The following NSD2 variants were observed in gnomAD, a reference collection of about 807,000 sequenced individuals.
NSD2 encodes histone-lysine N-methyltransferase NSD2.
Under a neutral mutation model 139.0 loss-of-function variants are expected in NSD2, and 12 were observed. The ratio of observed to expected loss-of-function variants is 0.09; its 90% CI spans 0.06 to 0.14. NSD2 has a LOEUF of 0.14. NSD2 is among the 10% of genes least tolerant of loss of function. The pLI, the probability that NSD2 is intolerant of heterozygous loss-of-function variation, is 1.00. For synonymous variants in NSD2, 669 were observed against 648.7 expected (o/e 1.03, Z -0.48); for missense variants, 1,155 against 1,745.0 (o/e 0.66, Z 6.02).
At chr4:1,920,542 C>CT (rs1012731806) in intron 5 of NSD2, among the ~76,000 whole-genome samples, 20 of 152,088 alleles carry the variant, frequency 1.3e-4, no homozygotes, top group South Asian at 1.2e-3. Flanking sequence ...AAATTCATTG[C>CT]TTTTTTTAAT....
At chr4:1,938,819 T>G (rs1225709512) in intron 8 of NSD2, among the ~76,000 whole-genome samples, 1 of 152,222 alleles carries the variant, frequency 6.6e-6, no homozygotes, top group Non-Finnish European at 1.5e-5. Context: ...ACTAGAAAAG[T>G]GATTTCAACC....
chr4:1,978,832 C>A lies in NSD2; in HGVS notation c.4021C>A (p.Pro1341Thr), dbSNP rs914518920. 3.1e-6 allele frequency: 5 copies of A among 1,598,268 alleles called. No individual in the cohort carries two copies. The African/African-American group carries it at 4.0e-5, about 13-fold the overall frequency. ...ASVRSTKTEK[P>T]PPEPGKPKGK... Reference sequence around the variant, plus strand: ...GGTCAGAAGCACCAAGACTGAGAAGCCCCCCCCAGAGCCAGGGAAGCCGAA... The same window carrying A: ...GGTCAGAAGCACCAAGACTGAGAAGACCCCCCCAGAGCCAGGGAAGCCGAA... Residue 1341 changes from proline to threonine, a missense_variant, in exon 22 of 22, where the codon CCC (proline) becomes ACC (threonine). Physicochemically the swap from Pro to Thr is conservative, Grantham distance 38. This residue lies in a region of NSD2 where 132 missense variants were observed against 94.3 expected (regional missense o/e 1.40). Coordinates refer to ENST00000508803, the MANE Select transcript of NSD2 (RefSeq NM_001042424.3).
rs1291338897 is a variant in NSD2, at chr4:1,975,011, G to C, written c.3514+7G>C. 6.2e-7 allele frequency: 1 copy of C among 1,614,140 alleles called. No individual in the cohort carries two copies. The highest frequency in any genetic ancestry group is 1.1e-5 in the South Asian group (1 of 91,084). On this transcript the variant is annotated splice_region_variant and intron_variant, in intron 19 of 21. Coordinates refer to ENST00000508803, the MANE Select transcript of NSD2 (RefSeq NM_001042424.3). ...GTCTGTGACATTCCTGCAGGTACAAGCTCTGGGGACCCTGCATGGGGCTCC... is the reference window on the plus strand; with the variant it reads ...GTCTGTGACATTCCTGCAGGTACAACCTCTGGGGACCCTGCATGGGGCTCC...
chr4:1,936,131 C>T (rs559158432), intron 7 of NSD2, among the ~76,000 whole-genome samples: 5 of 152,316 alleles, frequency 3.3e-5, no homozygotes, highest in Non-Finnish European at 5.9e-5. Context: ...TTGTGCTCCT[C>T]GCTTACTGCC....
chr4:1,922,089 G>T (rs1269076853), intron 5 of NSD2, among the ~76,000 whole-genome samples: 1 of 152,194 alleles, frequency 6.6e-6, no homozygotes, highest in African/African-American at 2.4e-5. Context: ...AGAGGTTGCC[G>T]TGAGCTGAGA....
At chr4:1,927,281 C>T (rs1253832472) in intron 5 of NSD2, among the ~76,000 whole-genome samples, 2 of 152,102 alleles carry the variant, frequency 1.3e-5, no homozygotes, top group African/African-American at 4.8e-5. Context: ...CATTTCTGCA[C>T]TATGTTATTG....
chr4:1,926,573 C>T (rs62287051), intron 5 of NSD2, among the ~76,000 whole-genome samples: 5,262 of 152,120 alleles, frequency 0.035, 138 homozygotes, highest in Non-Finnish European at 0.052. Context: ...CGGGTTCAAG[C>T]GATCCTCCCC....
chr4:1,944,908 C>T (rs1332656307), intron 9 of NSD2: 3 of 1,063,114 alleles, frequency 2.8e-6, no homozygotes, highest in Admixed American at 1.1e-4. Context: ...CCTGTATCTC[C>T]CAACTAGAAA....
Position 1,958,192 on chromosome 4 carries a change from C to G in NSD2, c.2985+156C>G, listed in dbSNP as rs1725022050. ...GGATGGCCACACAAGAGACCATGAG[C>G]AAATGGCATGGGGGGATCTGCATGG... On this transcript the variant is annotated intron_variant, in intron 16 of 21. Coordinates refer to ENST00000508803, the MANE Select transcript of NSD2 (RefSeq NM_001042424.3). The surrounding 1 kb of genome is among the most constrained non-coding windows in gnomAD (Gnocchi z 4.6). Among the ~76,000 whole-genome samples the G allele has an allele frequency of 1.3e-5, 2 of 152,180 alleles. No homozygotes were observed. The highest frequency in any genetic ancestry group is 2.9e-5 in the Non-Finnish European group (2 of 68,026).
chr4:1,967,224 T>TG (rs891515261), intron 18 of NSD2, among the ~76,000 whole-genome samples: 2 of 151,948 alleles, frequency 1.3e-5, no homozygotes, highest in African/African-American at 4.8e-5. Flanking sequence ...GACTAAATCA[T>TG]GAAAAAAATG....
chr4:1,917,965 G>T (rs1466381962), intron 4 of NSD2, among the ~76,000 whole-genome samples, 176 bp from the exon 5 acceptor site: 3 of 151,488 alleles, frequency 2.0e-5, no homozygotes, highest in Non-Finnish European at 4.4e-5. Flanking sequence ...TATTTTAGTA[G>T]AGATGGGGTT....
intron 1 of NSD2, among the ~76,000 whole-genome samples, chr4:1,878,049 A>AGG (rs1463602559): frequency 3.3e-5 from 5 of 151,298 alleles, no homozygotes; most frequent in Non-Finnish European, 5.9e-5. Flanking sequence ...AAATTTAAAA[A>AGG]AAGTATTATA....
chr4:1,874,301 G>A (rs371586651), intron 1 of NSD2, among the ~76,000 whole-genome samples: 80 of 152,292 alleles, frequency 5.3e-4, no homozygotes, highest in African/African-American at 1.7e-3. Context: ...GTGGTACCAT[G>A]TCCTGACTCC....
chr4:1,938,659 C>A (rs546244481), intron 8 of NSD2, 127 bp downstream of exon 8: 2 of 658,412 alleles, frequency 3.0e-6, no homozygotes, highest in Non-Finnish European at 4.9e-6. Context: ...GAGGAATCCA[C>A]AATTAAGCTA....
intron 1 of NSD2, among the ~76,000 whole-genome samples, chr4:1,896,820 C>G (rs1344114626): frequency 7.3e-6 from 1 of 137,632 alleles, no homozygotes; most frequent in African/African-American, 2.7e-5. Context: ...TTCTTTCTTT[C>G]TTTTCCTTTC....
At chr4:1,971,302 G>A (rs543788640) in intron 18 of NSD2, among the ~76,000 whole-genome samples, 2 of 152,140 alleles carry the variant, frequency 1.3e-5, no homozygotes, top group Non-Finnish European at 2.9e-5. Flanking sequence ...CACAGAAGAA[G>A]GCTTTTTTGA....
At chr4:1,931,028 C>T (rs1288464589) in intron 6 of NSD2, among the ~76,000 whole-genome samples, 1 of 152,072 alleles carries the variant, frequency 6.6e-6, no homozygotes, top group Non-Finnish European at 1.5e-5. Context: ...AGTTGAGCAG[C>T]CACTGTGGTC....
chr4:1,919,804 C>T (rs115126819), intron 5 of NSD2, among the ~76,000 whole-genome samples: 42 of 152,050 alleles, frequency 2.8e-4, no homozygotes, highest in South Asian at 8.3e-4. Flanking sequence ...GGCATGGTGA[C>T]GCGTGCTTGT....
chr4:1,930,586 C>T (rs377101630), intron 5 of NSD2, 40 bp from the exon 6 acceptor site: 22 of 1,552,662 alleles, frequency 1.4e-5, no homozygotes, highest in African/African-American at 1.1e-4. Context: ...ATGAGTTTTA[C>T]GGATTTAACT....
Sources: allele counts gnomAD v4.1 joint callset (sites outside exome capture counted in the v4.1 genomes callset), GRCh38; gene constraint gnomAD v4.1.1; regional missense constraint gnomAD v4.1.1; non-coding constraint Gnocchi (gnomAD v3.1); transcripts MANE v1.5; gene names NCBI Gene and HGNC (gene_info 2026-07-23, HGNC 2026-07-21).